Variants in HYCC1 observed in about 807,000 individuals in gnomAD.
The protein encoded by HYCC1 is hyccin.
chr7:23,007,350 G>A, the HYCC1 span, among the ~76,000 whole-genome samples: 1 of 152,258 alleles, frequency 6.6e-6, no homozygotes, highest in East Asian at 1.9e-4. Flanking sequence ...GTACTTTATT[G>A]ATGGTGGACG....
the HYCC1 span, among the ~76,000 whole-genome samples, chr7:22,905,958 T>A: frequency 6.6e-6 from 1 of 152,218 alleles, no homozygotes; most frequent in Non-Finnish European, 1.5e-5. Flanking sequence ...TTACATTAAG[T>A]ACCAGTTACA....
the HYCC1 span, among the ~76,000 whole-genome samples, chr7:23,013,448 G>T: frequency 1.3e-5 from 2 of 152,222 alleles, no homozygotes; most frequent in African/African-American, 4.8e-5. Flanking sequence ...CGGCCTCGCC[G>T]AAGTAGAGGG....
chr7:22,989,573 G>C, the HYCC1 span, among the ~76,000 whole-genome samples: 1 of 151,712 alleles, frequency 6.6e-6, no homozygotes, highest in Non-Finnish European at 1.5e-5. Context: ...GCCTAGGCTG[G>C]TCTTAAACTC....
chr7:22,988,883 C>G, the HYCC1 span, among the ~76,000 whole-genome samples: 131 of 152,158 alleles, frequency 8.6e-4, no homozygotes, highest in African/African-American at 3.0e-3. Context: ...AGCCCTTCAC[C>G]CCAACCACCT....
chr7:22,962,712 C>T, the HYCC1 span, among the ~76,000 whole-genome samples: 1 of 151,996 alleles, frequency 6.6e-6, no homozygotes, highest in African/African-American at 2.4e-5. Flanking sequence ...AAAACTGAGG[C>T]TGGACCAGGA....
the HYCC1 span, among the ~76,000 whole-genome samples, chr7:22,929,253 G>A: frequency 6.6e-6 from 1 of 152,148 alleles, no homozygotes; most frequent in Non-Finnish European, 1.5e-5. Flanking sequence ...AGAAAACCTA[G>A]GCAATACCAT....
chr7:22,963,503 C>T, the HYCC1 span, among the ~76,000 whole-genome samples: 6 of 152,256 alleles, frequency 3.9e-5, no homozygotes, highest in South Asian at 1.2e-3. Flanking sequence ...ACAGAAATTA[C>T]TCAAACTGAA....
the HYCC1 span, chr7:22,940,986 G>A: frequency 6.6e-6 from 1 of 152,014 alleles, no homozygotes; most frequent in African/African-American, 2.4e-5. Context: ...ATTTGCCTGT[G>A]CTTCTGATAT....
At chr7:22,965,610 A>C in the HYCC1 span, among the ~76,000 whole-genome samples, 3 of 150,872 alleles carry the variant, frequency 2.0e-5, no homozygotes, top group Non-Finnish European at 4.4e-5. Context: ...AAAAAAAAAA[A>C]CAAAGAAATA....
the HYCC1 span, among the ~76,000 whole-genome samples, chr7:22,997,591 A>G: frequency 6.6e-6 from 1 of 152,218 alleles, no homozygotes; most frequent in Non-Finnish European, 1.5e-5. Context: ...AATAAAATTA[A>G]TTTAATTTTA....
the HYCC1 span, among the ~76,000 whole-genome samples, chr7:22,985,932 T>C: frequency 6.6e-6 from 1 of 150,380 alleles, no homozygotes; most frequent in East Asian, 1.9e-4. Context: ...ATACTGTGTA[T>C]ACATGTCTAA....
At chr7:22,914,998 A>T in the HYCC1 span, among the ~76,000 whole-genome samples, 1 of 151,924 alleles carries the variant, frequency 6.6e-6, no homozygotes, top group Non-Finnish European at 1.5e-5. Flanking sequence ...TCTTTATCCG[A>T]CCTCTCCCAA....
chr7:22,928,005 T>A, the HYCC1 span, among the ~76,000 whole-genome samples: 1 of 152,208 alleles, frequency 6.6e-6, no homozygotes, highest in Non-Finnish European at 1.5e-5. Flanking sequence ...GTGGGCTTCA[T>A]CCCTGGGATG....
the HYCC1 span, among the ~76,000 whole-genome samples, chr7:22,918,975 C>T: frequency 2.0e-5 from 3 of 152,128 alleles, no homozygotes; most frequent in African/African-American, 7.2e-5. Context: ...GTCACAAAAA[C>T]ACACTCAAGC....
chr7:22,984,560 AAAAC>A, the HYCC1 span, among the ~76,000 whole-genome samples: 4 of 152,100 alleles, frequency 2.6e-5, no homozygotes, highest in Admixed American at 1.3e-4. Flanking sequence ...TCTCTACAAA[AAAAC>A]AAACAAAATT....
chr7:22,997,875 G>A, the HYCC1 span, among the ~76,000 whole-genome samples: 1 of 152,156 alleles, frequency 6.6e-6, no homozygotes, highest in African/African-American at 2.4e-5. Context: ...TCTATAAAAT[G>A]GTTTTTGGCT....
At chr7:22,961,502 C>A in the HYCC1 span, among the ~76,000 whole-genome samples, 2 of 151,944 alleles carry the variant, frequency 1.3e-5, no homozygotes, top group Admixed American at 1.3e-4. Context: ...ATCTAAATGC[C>A]TATTAATAGC....
chr7:23,007,872 T>C, the HYCC1 span, among the ~76,000 whole-genome samples: 1 of 152,084 alleles, frequency 6.6e-6, no homozygotes, highest in Non-Finnish European at 1.5e-5. Context: ...TAAGAGGGCA[T>C]GTGATCAAAC....
chr7:22,942,878 C>T, the HYCC1 span: 1 of 152,066 alleles, frequency 6.6e-6, no homozygotes, highest in East Asian at 1.9e-4. Flanking sequence ...AATGTGTAAT[C>T]CTTATTTGAA....
Sources: allele counts gnomAD v4.1 joint callset (sites outside exome capture counted in the v4.1 genomes callset), GRCh38; gene constraint gnomAD v4.1.1; transcripts MANE v1.5; gene names NCBI Gene and HGNC (gene_info 2026-07-23, HGNC 2026-07-21).